ATRNL1: variants seen among roughly 807,000 people sequenced by gnomAD.
ATRNL1 encodes attractin like 1, also known as attractin-like protein 1.
A neutral mutation model predicts 182.7 loss-of-function variants in ATRNL1; 95 were observed. The observed-to-expected ratio is 0.52, with a 90% confidence interval of 0.44 to 0.62. The LOEUF is 0.62. Among genes scored for constraint, ATRNL1 ranks in the 20% least tolerant of loss-of-function variants. The pLI, the probability that ATRNL1 is intolerant of heterozygous loss-of-function variation, is 0.00. For synonymous variants in ATRNL1, 576 were observed against 568.3 expected (o/e 1.01, Z -0.19); for missense variants, 1,471 against 1,679.5 (o/e 0.88, Z 2.17).
intron 21 of ATRNL1, among the ~76,000 whole-genome samples, chr10:115,460,589 A>G (rs1435935731): frequency 1.3e-5 from 2 of 152,148 alleles, no homozygotes; most frequent in East Asian, 3.9e-4. Context: ...CACAGGCTTT[A>G]CGAGAATCAC....
intron 26 of ATRNL1, among the ~76,000 whole-genome samples, chr10:115,652,351 G>A (rs185597050): frequency 6.6e-6 from 1 of 151,910 alleles, no homozygotes; most frequent in Admixed American, 6.6e-5. Context: ...TTACTGGAAG[G>A]CAATTCACTG....
chr10:115,148,420 GA>G (rs1846063019), intron 5 of ATRNL1, among the ~76,000 whole-genome samples: 1 of 152,106 alleles, frequency 6.6e-6, no homozygotes, highest in African/African-American at 2.4e-5. Flanking sequence ...TTCCAGTTTG[GA>G]TGCATTTTCT....
At chr10:115,817,637 C>T (rs1950193801) in intron 27 of ATRNL1, among the ~76,000 whole-genome samples, 1 of 152,038 alleles carries the variant, frequency 6.6e-6, no homozygotes, top group South Asian at 2.1e-4. Context: ...TCTTAATTTT[C>T]CTTCTTCTAC....
chr10:115,914,640 T>G (rs1952788727), intron 28 of ATRNL1, among the ~76,000 whole-genome samples: 1 of 152,208 alleles, frequency 6.6e-6, no homozygotes, highest in African/African-American at 2.4e-5. Context: ...GGACACCTAC[T>G]TGGTACTTCC....
intron 1 of ATRNL1, among the ~76,000 whole-genome samples, chr10:115,107,871 A>G (rs1231555012): frequency 3.9e-5 from 6 of 152,136 alleles, no homozygotes; most frequent in African/African-American, 1.2e-4. Flanking sequence ...GAATGCAGGG[A>G]GCAGATACTT....
intron 25 of ATRNL1, among the ~76,000 whole-genome samples, chr10:115,524,630 G>T (rs1357321962): frequency 1.3e-5 from 2 of 152,080 alleles, no homozygotes; most frequent in Non-Finnish European, 2.9e-5. Flanking sequence ...TTACCAGTTG[G>T]TCTTTTCCAC....
At chr10:115,846,699 G>A (rs1950935949) in intron 27 of ATRNL1, among the ~76,000 whole-genome samples, 1 of 152,028 alleles carries the variant, frequency 6.6e-6, no homozygotes, top group Admixed American at 6.6e-5. Context: ...TTTCATATGT[G>A]GATTTGTGTA....
intron 25 of ATRNL1, among the ~76,000 whole-genome samples, chr10:115,530,566 T>C (rs1482471257): frequency 6.6e-6 from 1 of 152,124 alleles, no homozygotes; most frequent in Non-Finnish European, 1.5e-5. Flanking sequence ...GAAGCAAGCA[T>C]GCAAGTGAGC....
chr10:115,931,931 C>G (rs1406391584), intron 28 of ATRNL1, among the ~76,000 whole-genome samples: 1 of 152,126 alleles, frequency 6.6e-6, no homozygotes, highest in African/African-American at 2.4e-5. Flanking sequence ...GGAGTGGATG[C>G]AGGGCAGTGT....
chr10:115,721,170 G>C (rs1947411035), intron 26 of ATRNL1, among the ~76,000 whole-genome samples: 1 of 152,164 alleles, frequency 6.6e-6, no homozygotes, highest in African/African-American at 2.4e-5. Context: ...CTAAAAATCT[G>C]TGGAGATTGT....
intron 26 of ATRNL1, among the ~76,000 whole-genome samples, chr10:115,640,692 G>A (rs1859184682): frequency 6.6e-6 from 1 of 152,120 alleles, no homozygotes; most frequent in Non-Finnish European, 1.5e-5. Context: ...CAGATGGATA[G>A]ATTGCAAAAA....
chr10:115,622,089 C>T (rs1345305547), intron 26 of ATRNL1, among the ~76,000 whole-genome samples: 1 of 152,130 alleles, frequency 6.6e-6, no homozygotes, highest in Non-Finnish European at 1.5e-5. Context: ...AATCTTGCTC[C>T]ACTTCTGACT....
At chr10:115,859,107 T>G (rs1951251830) in intron 28 of ATRNL1, among the ~76,000 whole-genome samples, 1 of 151,960 alleles carries the variant, frequency 6.6e-6, no homozygotes, top group South Asian at 2.1e-4. Context: ...ATCCTGAAGC[T>G]CCACTCTCTT....
chr10:115,377,569 G>A (rs116436879), intron 19 of ATRNL1, among the ~76,000 whole-genome samples: 1,976 of 152,168 alleles, frequency 0.013, 39 homozygotes, highest in African/African-American at 0.044. Context: ...ACTTTTGGGC[G>A]TTAGTTACTG....
At chr10:115,258,266 G>C (rs1481325795) in intron 10 of ATRNL1, among the ~76,000 whole-genome samples, 1 of 151,096 alleles carries the variant, frequency 6.6e-6, no homozygotes, top group African/African-American at 2.5e-5. Flanking sequence ...ATGTAGATTT[G>C]GTCTTTTCAC....
chr10:115,335,437 A>G (rs1172822767), intron 19 of ATRNL1, among the ~76,000 whole-genome samples: 4 of 152,110 alleles, frequency 2.6e-5, no homozygotes, highest in South Asian at 4.1e-4. Context: ...TTCTAAAACA[A>G]TTAAATCATT....
At chr10:115,360,265 A>C (rs1234546691) in intron 19 of ATRNL1, among the ~76,000 whole-genome samples, 3 of 151,776 alleles carry the variant, frequency 2.0e-5, no homozygotes, top group African/African-American at 7.2e-5. Flanking sequence ...AATGCATTTT[A>C]TTGTCTATTT....
chr10:115,478,502 C>G (rs1000562650), intron 24 of ATRNL1, among the ~76,000 whole-genome samples: 10 of 151,802 alleles, frequency 6.6e-5, no homozygotes, highest in Admixed American at 2.6e-4. Context: ...TTCTTTTAGG[C>G]CAGTTATACA....
At chr10:115,797,167 G>T (rs1176670244) in intron 27 of ATRNL1, among the ~76,000 whole-genome samples, 15 of 152,146 alleles carry the variant, frequency 9.9e-5, no homozygotes, top group Admixed American at 2.0e-4. Flanking sequence ...TTTCTGGGAA[G>T]TTTGTTCATT....
Sources: gnomAD v4.1 joint callset for allele counts (sites outside exome capture counted in the v4.1 genomes callset) on GRCh38, gnomAD v4.1.1 for gene constraint, MANE v1.5 for transcripts, NCBI Gene and HGNC (gene_info 2026-07-23, HGNC 2026-07-21) for gene names.